The following ERICH1 variants were observed in gnomAD, a reference collection of about 807,000 sequenced individuals.
ERICH1 encodes the protein glutamate-rich protein 1.
Under a neutral mutation model 39.6 loss-of-function variants are expected in ERICH1, and 56 were observed. The ratio of observed to expected loss-of-function variants is 1.41; its 90% confidence interval spans 1.14 to 1.77. The LOEUF is 1.77. ERICH1 is among the 40% of genes most tolerant of loss of function. The pLI is 0.00. For missense variants in ERICH1, 826 were observed against 575.4 expected, an observed-to-expected ratio of 1.44 and a Z score of -4.45; for synonymous variants, 313 against 223.6, an observed-to-expected ratio of 1.40 and a Z score of -3.57.
rs770138897 is a variant in ERICH1, at chr8:715,889, C to T, written c.141G>A (p.Val47=). ...NPPKKVTSEK[V]SQKHAEPLTD... is the part of the protein sequence containing the mutation. ...TCAAAGGCTCAGCATGTTTCTGGCT[C>T]ACTTTCTCAGAGGTCACTTTCTTTG... Residue 47 remains valine, a synonymous_variant, in exon 2 of 6, where the codon GTG becomes GTA. Coordinates refer to ENST00000262109, the MANE Select transcript of ERICH1 (RefSeq NM_207332.3). 1.9e-6 allele frequency: 3 copies of T among 1,613,534 alleles called. No homozygotes were observed. The highest frequency in any genetic ancestry group is 2.5e-6 in the Non-Finnish European group (3 of 1,179,840).
At chr8:685,095 G>T (rs951347679) in intron 3 of ERICH1, among the ~76,000 whole-genome samples, 1 of 152,190 alleles carries the variant, frequency 6.6e-6, no homozygotes, top group Admixed American at 6.5e-5. Context: ...AGACCAGGGC[G>T]TGTTTCATCC....
intron 1 of ERICH1, among the ~76,000 whole-genome samples, chr8:723,524 A>G (rs1320003019): frequency 6.6e-6 from 1 of 152,234 alleles, no homozygotes; most frequent in East Asian, 1.9e-4. Flanking sequence ...AAATCTCTCA[A>G]AACATTTCCA....
chr8:717,844 C>T (rs544259553), intron 1 of ERICH1, among the ~76,000 whole-genome samples: 3 of 152,326 alleles, frequency 2.0e-5, no homozygotes, highest in South Asian at 2.1e-4. Context: ...TGCTGCAGAA[C>T]GCCTGAGGCT....
chr8:698,434 G>A (rs932732642), intron 2 of ERICH1, among the ~76,000 whole-genome samples: 5 of 152,000 alleles, frequency 3.3e-5, no homozygotes, highest in African/African-American at 1.2e-4. Context: ...ACCCAAGGTC[G>A]TCTTGAACTC....
At chr8:687,903 C>T (rs999545156) in intron 3 of ERICH1, among the ~76,000 whole-genome samples, 2 of 152,154 alleles carry the variant, frequency 1.3e-5, no homozygotes, top group African/African-American at 2.4e-5. Context: ...AGGCTTCCAG[C>T]CGAGACGGCA....
chr8:707,020 G>T (rs1813432364), intron 2 of ERICH1, among the ~76,000 whole-genome samples: 1 of 151,818 alleles, frequency 6.6e-6, no homozygotes, highest in Non-Finnish European at 1.5e-5. Context: ...AATTGCAAGA[G>T]ACCCTGAGTC....
intron 3 of ERICH1, chr8:616,340 T>G: frequency 2.9e-6 from 1 of 343,130 alleles, no homozygotes. Flanking sequence ...TGAAAGTTGC[T>G]GAAGACAGGC....
intron 3 of ERICH1, among the ~76,000 whole-genome samples, chr8:632,560 G>T (rs946140259): frequency 3.3e-5 from 5 of 152,144 alleles, no homozygotes; most frequent in Non-Finnish European, 1.5e-5. Flanking sequence ...ATAACAAAAG[G>T]TAAGTATCCA....
At chr8:688,310 C>CCCGGCCCCGCCCCCGCCCCGCCCCGCT in intron 3 of ERICH1, among the ~76,000 whole-genome samples, 2 of 78,456 alleles carry the variant, frequency 2.5e-5, no homozygotes, top group Non-Finnish European at 2.9e-5. Context: ...GCCGCCCCGC[C>CCCGGCCCCGCCCCCGCCCCGCCCCGCT]CCGGGCCACC....
Position 671,294 on chromosome 8 carries a change from C to T in ERICH1, c.1063+1995G>A, listed in dbSNP as rs13281961. On this transcript the variant is annotated intron_variant, in intron 4 of 5. Coordinates refer to ENST00000262109, the MANE Select transcript of ERICH1 (RefSeq NM_207332.3). ...CACTGAGCGCGCTGGTCCCCAGGCT[C>T]CGACCTCTGAACCTGCCGGCCCCGG... Among the ~76,000 whole-genome samples, 5 of 133,268 alleles carry T rather than the reference C, an allele frequency of 3.8e-5. No homozygotes were observed. The South Asian group carries it at 1.2e-3, about 32-fold the overall frequency. 87.4% of individuals were successfully genotyped at this position (133,268 alleles called of 152,430 possible).
At chr8:633,930 A>AGG (rs1798214940) in intron 3 of ERICH1, among the ~76,000 whole-genome samples, 1 of 152,236 alleles carries the variant, frequency 6.6e-6, no homozygotes, top group Non-Finnish European at 1.5e-5. Flanking sequence ...ACCTCTCATA[A>AGG]GGAAACACAG....
chr8:700,209 GCGCACACACCCGCACACGCGCACAGGCC>G lies in ERICH1; in HGVS notation c.170-7625_170-7598del, dbSNP rs1378733258. On this transcript the variant is annotated intron_variant, in intron 2 of 5. Coordinates refer to ENST00000262109, the MANE Select transcript of ERICH1 (RefSeq NM_207332.3). ...CGCACACGCGCACAGGCCGGCACAG[GCGCACACACCCGCACACGCGCACAGGCC>G]CGCACAGGCCCGCACACGCGCACAG... is the stretch of plus-strand genomic sequence containing the variant. Among the ~76,000 whole-genome samples the G allele has an allele frequency of 3.0e-4, 26 of 88,062 alleles. 1 individual carries two copies. Among genetic ancestry groups the G allele is most frequent in the Admixed American group, 7.7e-4 (6 of 7,788 alleles). 57.8% of individuals were successfully genotyped at this position (88,062 alleles called of 152,430 possible). A position where few individuals can be genotyped will look rare whatever the true frequency, so the allele number is the denominator to read the frequency against.
At chr8:630,867 T>A (rs1250273963) in intron 3 of ERICH1, among the ~76,000 whole-genome samples, 21 of 83,158 alleles carry the variant, frequency 2.5e-4, no homozygotes, top group African/African-American at 4.3e-4. Flanking sequence ...CAGAGCTGAC[T>A]CACACCCTCC....
At chr8:642,691 T>C (rs1040059355) in intron 3 of ERICH1, among the ~76,000 whole-genome samples, 2 of 152,078 alleles carry the variant, frequency 1.3e-5, no homozygotes, top group Admixed American at 6.5e-5. Context: ...TTATGAGGTC[T>C]TCATCATCCC....
chr8:718,828 G>A (rs1816636097), intron 1 of ERICH1, among the ~76,000 whole-genome samples: 1 of 152,306 alleles, frequency 6.6e-6, no homozygotes. Flanking sequence ...TCCCCTGCAC[G>A]CCTGCTCAGG....
chr8:688,173 G>C (rs1337721267), intron 3 of ERICH1, among the ~76,000 whole-genome samples: 1 of 151,010 alleles, frequency 6.6e-6, no homozygotes, highest in African/African-American at 2.4e-5. Flanking sequence ...AGGCCGTGGC[G>C]AGCCGGGGCG....
At chr8:685,671 C>T (rs1362024922) in intron 3 of ERICH1, among the ~76,000 whole-genome samples, 1 of 152,204 alleles carries the variant, frequency 6.6e-6, no homozygotes, top group Non-Finnish European at 1.5e-5. Flanking sequence ...CTCTGTCACG[C>T]CTTCAGCCGG....
chr8:661,951 G>A (rs1233505222), downstream of ERICH1, among the ~76,000 whole-genome samples: 1 of 150,208 alleles, frequency 6.7e-6, no homozygotes, highest in Non-Finnish European at 1.5e-5. Flanking sequence ...GGATTCTGTG[G>A]AACCTACAGG....
chr8:729,660 C>T (rs141456164), intron 1 of ERICH1, among the ~76,000 whole-genome samples: 147 of 152,200 alleles, frequency 9.7e-4, no homozygotes, highest in African/African-American at 3.5e-3. Flanking sequence ...TTAATCTATC[C>T]TTCCAACCAC....
Sources: allele counts gnomAD v4.1 joint callset (sites outside exome capture counted in the v4.1 genomes callset), GRCh38; gene constraint gnomAD v4.1.1; transcripts MANE v1.5; gene names NCBI Gene and HGNC (gene_info 2026-07-23, HGNC 2026-07-21).